The following ZNF260 variants were observed in gnomAD, a reference collection of about 807,000 sequenced individuals.
The protein encoded by ZNF260 is zfp-260.
Under a neutral mutation model 29.3 loss-of-function variants are expected in ZNF260, and 21 were observed. The ratio of observed to expected loss-of-function variants is 0.72; its 90% CI spans 0.51 to 1.03. The LOEUF (loss-of-function observed/expected upper bound fraction) is 1.03, where lower values mean the gene tolerates loss of function less well. Ranked by LOEUF, ZNF260 falls within the 50% of genes least tolerant of loss-of-function variation. ZNF260 has a pLI of 0.00. For synonymous variants in ZNF260, 156 were observed against 156.8 expected, an observed-to-expected ratio of 0.99 and a Z score of 0.04; for missense variants, 465 against 487.8, an observed-to-expected ratio of 0.95 and a Z score of 0.44.
In ZNF260 at chr19:36,514,649, C is replaced by G. The variant is rs1335781163; in HGVS notation, c.590G>C (p.Cys197Ser). The G allele has an allele frequency of 1.2e-6, 2 of 1,614,066 alleles. No individual in the cohort carries two copies. The highest frequency in any genetic ancestry group is 2.7e-5 in the African/African-American group (2 of 75,036). The change falls in exon 3 of 3, where the codon TGT becomes TCT. Residue 197 changes from cysteine to serine, a missense_variant. Coordinates refer to ENST00000523638, the MANE Select transcript of ZNF260 (RefSeq NM_001166037.2). ...TGKKPFKCSE[C>S]GKAFSQKENL... ...TTCCTTCTGGCTAAAAGCTTTTCCA[C>G]ACTCACTACATTTAAAGGGCTTCTT...
In ZNF260 at chr19:36,514,753, T is replaced by C. The variant is rs760628538; in HGVS notation, c.486A>G (p.Lys162=). 1 of 1,613,566 alleles carries C rather than the reference T, an allele frequency of 6.2e-7. No individual in the cohort carries two copies. The highest frequency in any genetic ancestry group is 8.5e-7 in the Non-Finnish European group (1 of 1,179,996). Residue 162 remains lysine, a synonymous_variant, in exon 3 of 3, where the codon AAA becomes AAG. Transcript: ENST00000523638. ...TEHEKIHTGE[K]PFECNQCGRA... is the part of the protein sequence containing the mutation. ...TTCCACACTGATTACATTCAAATGG[T>C]TTTTCTCCAGTATGAATTTTCTCAT...
Position 36,514,995 on chromosome 19 carries a change from C to G in ZNF260, c.244G>C (p.Ala82Pro). The G allele has an allele frequency of 6.2e-7, 1 of 1,614,016 alleles. No individual in the cohort carries two copies. Among genetic ancestry groups the G allele is most frequent in the East Asian group, 2.2e-5 (1 of 44,842 alleles). Residue 82 changes from alanine (A) to proline (P), a missense_variant, in exon 3 of 3, where the codon GCA (alanine) becomes CCA (proline). By Grantham distance (27) the Ala-to-Pro change is conservative. Transcript: ENST00000523638. ...LHLRSHTGKK[A>P]YKCNKCGKAF... is the part of the protein sequence containing the mutation. ...TTTCCACATTTATTACATTTATATGCCTTCTTTCCTGTGTGACTTCTAAGG... is the reference window on the plus strand; with the variant it reads ...TTTCCACATTTATTACATTTATATGGCTTCTTTCCTGTGTGACTTCTAAGG...
intron 1 of ZNF260, among the ~76,000 whole-genome samples, chr19:36,526,795 A>T (rs1053149121): frequency 1.3e-5 from 2 of 152,230 alleles, no homozygotes; most frequent in Admixed American, 6.5e-5. Flanking sequence ...GAGCCTACAG[A>T]CACAGAGGGC....
At position 36,524,521 on chromosome 19, in the gene ZNF260, T is replaced by TTTTTTTTTTTTTTTTTTC; in HGVS notation, c.-462+633_-462+634insGAAAAAAAAAAAAAAAAA. Reference sequence around the variant, plus strand: ...AAGAAAATAACTTACATGCTAGTTTTTTTTTTTTTTTTTATTGATCATTCT... The same window carrying TTTTTTTTTTTTTTTTTTC: ...AAGAAAATAACTTACATGCTAGTTTTTTTTTTTTTTTTTTTTTCTTTTTTTTTTTTTATTGATCATTCT... On this transcript the variant is annotated intron_variant, in intron 2 of 2. Transcript: ENST00000523638. Among the ~76,000 whole-genome samples the TTTTTTTTTTTTTTTTTTC allele has an allele frequency of 2.8e-5, 3 of 105,716 alleles. 1 individual carries two copies. The South Asian group carries it at 9.7e-4, about 34-fold the overall frequency. The allele number at this position is 105,716 out of a possible 152,430, so 69.4% of individuals were successfully genotyped here.
At position 36,514,970 on chromosome 19, in the gene ZNF260, T is replaced by C. The variant is rs141667012; in HGVS notation, c.269A>G (p.Lys90Arg). 7.1e-5 allele frequency: 115 copies of C among 1,614,114 alleles called. No individual in the cohort carries two copies. In the African/African-American group the frequency reaches 1.4e-3, roughly 20 times the overall value. The change falls in exon 3 of 3, where the codon AAA becomes AGA. Residue 90 changes from lysine (K) to arginine (R), a missense_variant. Physicochemically the swap from Lys to Arg is conservative, Grantham distance 26. Coordinates refer to ENST00000523638, the MANE Select transcript of ZNF260 (RefSeq NM_001166037.2). Reference protein sequence around the residue: ...KKAYKCNKCGKAFSQKENFLS... With the variant: ...KKAYKCNKCGRAFSQKENFLS... The stretch of plus-strand genomic sequence containing the variant: ...GAAGTTTTCCTTCTGGCTGAAGGCT[T>C]TTCCACATTTATTACATTTATATGC...
intron 2 of ZNF260, among the ~76,000 whole-genome samples, chr19:36,522,485 A>T (rs370683191): frequency 1.2e-4 from 18 of 152,268 alleles, no homozygotes; most frequent in South Asian, 4.1e-4. Context: ...TAAAATAAAA[A>T]AAAACACCAC....
chr19:36,521,220 T>TA (rs1253541930), intron 2 of ZNF260, among the ~76,000 whole-genome samples: 15 of 152,308 alleles, frequency 9.8e-5, no homozygotes, highest in Non-Finnish European at 2.1e-4. Context: ...CACTTACTTT[T>TA]AAAAAATTCA....
rs866966655 is a variant in ZNF260 at position 36,513,823 on chromosome 19, G to T, written c.*177C>A. On this transcript the variant is annotated 3_prime_UTR_variant, in exon 3 of 3. Transcript: ENST00000523638. The stretch of plus-strand genomic sequence containing the variant: ...AATGCTTGTTGTGGGAGTTTTGGGG[G>T]TACGGGTTTTCTTTACACTATAATA... 1 of 655,128 alleles carries T rather than the reference G, an allele frequency of 1.5e-6. No individual in the cohort carries two copies. The highest frequency in any genetic ancestry group is 2.1e-5 in the South Asian group (1 of 47,556). The allele number at this position is 655,128 out of a possible 1,614,324, so 40.6% of individuals were successfully genotyped here.
chr19:36,524,940 CT>C, intron 2 of ZNF260, among the ~76,000 whole-genome samples: 1 of 152,164 alleles, frequency 6.6e-6, no homozygotes, highest in Non-Finnish European at 1.5e-5. Context: ...CCTCTAGAAT[CT>C]GATAAAAGGG....
chr19:36,515,358 A>C lies in ZNF260; in HGVS notation c.-120T>G, dbSNP rs966222990. On this transcript the variant is annotated 5_prime_UTR_variant, in exon 3 of 3. Coordinates refer to ENST00000523638, the MANE Select transcript of ZNF260 (RefSeq NM_001166037.2). ...TTCAATATTAATTCTCAGGTATCTA[A>C]TGAAGTTAAATTTATGATGGAAGAC... The C allele has an allele frequency of 4.4e-5, 48 of 1,100,304 alleles. No homozygotes were observed. Among genetic ancestry groups the C allele is most frequent in the Middle Eastern group, 3.1e-4 (1 of 3,206 alleles). 68.2% of individuals were successfully genotyped at this position (1,100,304 alleles called of 1,614,324 possible).
chr19:36,523,767 T>A (rs2945980), intron 2 of ZNF260, among the ~76,000 whole-genome samples: 4 of 151,380 alleles, frequency 2.6e-5, no homozygotes, highest in African/African-American at 9.7e-5. Context: ...TAGTAGAGAC[T>A]GGGTTTCACC....
In ZNF260 at chr19:36,514,386, AG is replaced by A; in HGVS notation, c.852del (p.Phe285SerfsTer39). 1 of 1,613,608 alleles carries A rather than the reference AG, an allele frequency of 6.2e-7. No homozygotes were observed. On this transcript the variant is annotated frameshift_variant, in exon 3 of 3. Transcript: ENST00000523638. LOFTEE classifies it high-confidence loss of function. ...TTAATGAGGTATTGCTTCTGCCTGAAGATTGTTCCACATTCATTACATTTGT... is the reference window on the plus strand; with the variant it reads ...TTAATGAGGTATTGCTTCTGCCTGAAATTGTTCCACATTCATTACATTTGT... ...KPYKCNECGT[I>X]FRQKQYLIKH...
intron 1 of ZNF260, among the ~76,000 whole-genome samples, chr19:36,525,637 A>G (rs1434588405): frequency 6.6e-6 from 1 of 152,034 alleles, no homozygotes; most frequent in East Asian, 1.9e-4. Flanking sequence ...AAATACAAAA[A>G]TTAGCCAGGC....
chr19:36,527,480 A>C (rs186306025), intron 1 of ZNF260, among the ~76,000 whole-genome samples: 31 of 152,310 alleles, frequency 2.0e-4, no homozygotes, highest in South Asian at 8.3e-4. Flanking sequence ...ATATTTACAA[A>C]AGGCTGGGGA....
At position 36,515,470 on chromosome 19, in the gene ZNF260, A is replaced by G. The variant is rs572608552; in HGVS notation, c.-232T>C. 17 of 423,508 alleles carry G rather than the reference A, an allele frequency of 4.0e-5. No homozygotes were observed. Among genetic ancestry groups the G allele is most frequent in the Non-Finnish European group, 6.9e-5 (16 of 233,068 alleles). 26.2% of individuals were successfully genotyped at this position (423,508 alleles called of 1,614,324 possible). A position where few individuals can be genotyped will look rare whatever the true frequency, so the allele number is the denominator to read the frequency against. On this transcript the variant is annotated 5_prime_UTR_variant, in exon 3 of 3. Transcript: ENST00000523638. Reference sequence around the variant, plus strand: ...TCTTTATATTCTTAATGGTTCTTATATAGCTTCTCCCATATTTAGGTATAG... The same window carrying G: ...TCTTTATATTCTTAATGGTTCTTATGTAGCTTCTCCCATATTTAGGTATAG...
chr19:36,521,249 A>G (rs2034640859), intron 2 of ZNF260, among the ~76,000 whole-genome samples: 1 of 152,232 alleles, frequency 6.6e-6, no homozygotes, highest in South Asian at 2.1e-4. Flanking sequence ...GGTATGATGC[A>G]TAACAGATCA....
At chr19:36,527,317 T>C in intron 1 of ZNF260, among the ~76,000 whole-genome samples, 1 of 152,208 alleles carries the variant, frequency 6.6e-6, no homozygotes, top group South Asian at 2.1e-4. Context: ...TTCAAAACTA[T>C]TAACCCTGTT....
At chr19:36,523,222 G>A (rs1047268931) in intron 2 of ZNF260, among the ~76,000 whole-genome samples, 7 of 152,048 alleles carry the variant, frequency 4.6e-5, no homozygotes, top group Admixed American at 1.3e-4. Context: ...TTACAACCTC[G>A]TAGCTTACTG....
chr19:36,519,954 C>G (rs1379446298), intron 2 of ZNF260, among the ~76,000 whole-genome samples: 2 of 151,370 alleles, frequency 1.3e-5, no homozygotes, highest in Non-Finnish European at 2.9e-5. Flanking sequence ...AATCCCAGCA[C>G]TTTGGGAGGC....
Sources: allele counts gnomAD v4.1 joint callset (sites outside exome capture counted in the v4.1 genomes callset), GRCh38; gene constraint gnomAD v4.1.1; transcripts MANE v1.5; gene names NCBI Gene and HGNC (gene_info 2026-07-23, HGNC 2026-07-21).